FAM120B: variants seen among roughly 807,000 people sequenced by gnomAD.
The protein encoded by FAM120B is family with sequence similarity 120 member B.
In FAM120B, 83 loss-of-function variants were observed where a neutral mutation model predicts 96.3. That is an observed-to-expected ratio of 0.86 (90% CI 0.72 to 1.03). The LOEUF is 1.03. FAM120B is among the 50% of genes least tolerant of loss of function. FAM120B has a pLI of 0.00. For synonymous variants in FAM120B, 407 were observed against 402.7 expected, an observed-to-expected ratio of 1.01 and a Z score of -0.13; for missense variants, 1,027 against 1,121.2, an observed-to-expected ratio of 0.92 and a Z score of 1.20.
rs1554286403 is a variant in FAM120B, at chr6:170,361,210, A to ATG, written c.2283+2893_2283+2894insGT. 5.7e-3 allele frequency among the ~76,000 whole-genome samples: 552 copies of ATG among 96,482 alleles called. 15 individuals are homozygous for ATG. The highest frequency in any genetic ancestry group is 0.021 in the African/African-American group (515 of 24,646). The allele number at this position is 96,482 out of a possible 152,430, so 63.3% of individuals were successfully genotyped here. A position where few individuals can be genotyped will look rare whatever the true frequency, so the allele number is the denominator to read the frequency against. On this transcript the variant is annotated intron_variant, in intron 6 of 10. Transcript: ENST00000476287. ...TATATATATACGTGTATATATATAT[A>ATG]TATATATATATATATATATATATAT...
In FAM120B at chr6:170,394,686, T is replaced by C. The variant is rs4710803; in HGVS notation, c.2600-801T>C. On this transcript the variant is annotated intron_variant, in intron 8 of 10. Coordinates refer to ENST00000476287, the MANE Select transcript of FAM120B (RefSeq NM_032448.3). ...ACGCCTCCGTGGACACCGCAGCATG[T>C]CAGCACAAGGCCATGCCTCCGTGGA... Among the ~76,000 whole-genome samples, 299 of 42,810 alleles carry C rather than the reference T, an allele frequency of 7.0e-3. 6 individuals carry two copies. The highest frequency in any genetic ancestry group is 0.06 in the Middle Eastern group (3 of 50). The allele number at this position is 42,810 out of a possible 152,430, so 28.1% of individuals were successfully genotyped here. A position where few individuals can be genotyped will look rare whatever the true frequency, so the allele number is the denominator to read the frequency against.
intron 6 of FAM120B, among the ~76,000 whole-genome samples, chr6:170,379,370 A>T (rs1187509286): frequency 1.3e-5 from 2 of 152,248 alleles, no homozygotes; most frequent in African/African-American, 2.4e-5. Context: ...AACTGTGATT[A>T]TTAGACCCAT....
chr6:170,341,895 G>A (rs979995701), intron 4 of FAM120B, among the ~76,000 whole-genome samples: 1 of 152,202 alleles, frequency 6.6e-6, no homozygotes, highest in African/African-American at 2.4e-5. Context: ...GGAATTGCTG[G>A]GAGCTGCAGA....
chr6:170,304,113 TGGA>T (rs1784201876), upstream of FAM120B, among the ~76,000 whole-genome samples: 1 of 152,370 alleles, frequency 6.6e-6, no homozygotes, highest in South Asian at 2.1e-4. Context: ...TTCTTAATTT[TGGA>T]GAAGAATATC....
At chr6:170,301,094 G>C (rs1217850120) in intron 1 of FAM120B, among the ~76,000 whole-genome samples, 1 of 152,240 alleles carries the variant, frequency 6.6e-6, no homozygotes, top group East Asian at 1.9e-4. Context: ...CACTGCCCTA[G>C]CAGAGCTTCT....
At chr6:170,296,238 A>C (rs541672464) in intron 1 of FAM120B, among the ~76,000 whole-genome samples, 1 of 151,614 alleles carries the variant, frequency 6.6e-6, no homozygotes, top group Non-Finnish European at 1.5e-5. Context: ...GGGGGGTTAG[A>C]AGGAGGCCGC....
Position 170,318,839 on chromosome 6 carries a change from AG to A in FAM120B, c.1450del (p.Glu484LysfsTer3). 1 of 1,614,262 alleles carries A rather than the reference AG, an allele frequency of 6.2e-7. No individual in the cohort carries two copies. ...PMYTGPESRQ[E>X]VLIRTDPESR... ...TGTATACAGGCCCTGAATCCAGGCA[AG>A]AAGTTTTAATACGGACAGACCCTGA... On this transcript the variant is annotated frameshift_variant, in exon 2 of 11. Coordinates refer to ENST00000476287, the MANE Select transcript of FAM120B (RefSeq NM_032448.3). LOFTEE classifies it high-confidence loss of function.
At chr6:170,329,665 G>A (rs1166055720) in intron 3 of FAM120B, among the ~76,000 whole-genome samples, 1 of 151,872 alleles carries the variant, frequency 6.6e-6, no homozygotes, top group Non-Finnish European at 1.5e-5. Flanking sequence ...TGTTGTCTCA[G>A]TTCTCTCCTG....
chr6:170,376,952 G>A (rs140637476), intron 6 of FAM120B, among the ~76,000 whole-genome samples: 21,707 of 110,796 alleles, frequency 0.2, 2,267 homozygotes, highest in East Asian at 0.71. Flanking sequence ...GGGAGAGCAC[G>A]AGCTCAGGGC....
intron 6 of FAM120B, among the ~76,000 whole-genome samples, chr6:170,361,933 C>T (rs1788487188): frequency 6.6e-6 from 1 of 151,962 alleles, no homozygotes; most frequent in African/African-American, 2.4e-5. Flanking sequence ...AGTTGGGATT[C>T]CAGGCACACA....
At chr6:170,307,090 G>A (rs1453892973) in intron 1 of FAM120B, among the ~76,000 whole-genome samples, 1 of 152,210 alleles carries the variant, frequency 6.6e-6, no homozygotes, top group Non-Finnish European at 1.5e-5. Context: ...CCTGGTCCGC[G>A]TCATTGCGTG....
In FAM120B at chr6:170,377,255, C is replaced by T. The variant is rs1164140565; in HGVS notation, c.2284-11032C>T. ...CCCTAATCCCAGATGCCTGGGAGAACGCAGGCTCACGCTGCTCGGTGCTGT... is the reference window on the plus strand; with the variant it reads ...CCCTAATCCCAGATGCCTGGGAGAATGCAGGCTCACGCTGCTCGGTGCTGT... On this transcript the variant is annotated intron_variant, in intron 6 of 10. Coordinates refer to ENST00000476287, the MANE Select transcript of FAM120B (RefSeq NM_032448.3). Among the ~76,000 whole-genome samples, 8 of 99,910 alleles carry T rather than the reference C, an allele frequency of 8.0e-5. 1 individual carries two copies. The highest frequency in any genetic ancestry group is 1.9e-4 in the African/African-American group (4 of 20,700). The allele number at this position is 99,910 out of a possible 152,430, so 65.5% of individuals were successfully genotyped here.
chr6:170,349,063 G>T (rs1787406087), intron 5 of FAM120B, among the ~76,000 whole-genome samples: 1 of 152,168 alleles, frequency 6.6e-6, no homozygotes, highest in Non-Finnish European at 1.5e-5. Context: ...TTTTCTACAT[G>T]CACAATAGTG....
chr6:170,399,288 G>T (rs74339023), intron 9 of FAM120B, among the ~76,000 whole-genome samples: 1 of 140,940 alleles, frequency 7.1e-6, no homozygotes, highest in South Asian at 2.2e-4. Context: ...GTAGTGAGTG[G>T]GGAAGGTAGA....
chr6:170,361,242 A>ATATATATATATATACGTG (rs1374958889), intron 6 of FAM120B, among the ~76,000 whole-genome samples: 4 of 130,048 alleles, frequency 3.1e-5, no homozygotes, highest in African/African-American at 1.3e-4. Flanking sequence ...ATATACACGT[A>ATATATATATATATACGTG]TATATATATA....
intron 5 of FAM120B, among the ~76,000 whole-genome samples, chr6:170,356,268 C>G (rs1236068596): frequency 1.3e-5 from 2 of 152,120 alleles, no homozygotes; most frequent in African/African-American, 4.8e-5. Flanking sequence ...GACTTGGTAA[C>G]TTGTCTTTAA....
chr6:170,334,449 A>G (rs1786278443), intron 4 of FAM120B, among the ~76,000 whole-genome samples: 2 of 152,212 alleles, frequency 1.3e-5, no homozygotes, highest in Admixed American at 1.3e-4. Context: ...CTCCTCTTAC[A>G]TACACTGTTG....
chr6:170,372,972 C>G (rs1210076699), intron 6 of FAM120B, among the ~76,000 whole-genome samples: 1 of 152,198 alleles, frequency 6.6e-6, no homozygotes, highest in East Asian at 1.9e-4. Flanking sequence ...GACAAGCACC[C>G]TGATGAAGCA....
chr6:170,302,278 C>A (rs929272531), upstream of FAM120B, among the ~76,000 whole-genome samples: 19 of 152,132 alleles, frequency 1.2e-4, no homozygotes, highest in African/African-American at 4.1e-4. Flanking sequence ...CTTATAAAAC[C>A]ATCAGGTCTC....
Sources: allele counts gnomAD v4.1 joint callset (sites outside exome capture counted in the v4.1 genomes callset), GRCh38; gene constraint gnomAD v4.1.1; transcripts MANE v1.5; gene names NCBI Gene and HGNC (gene_info 2026-07-23, HGNC 2026-07-21).